The following SLC35F4 variants were observed in gnomAD, a reference collection of about 807,000 sequenced individuals.
SLC35F4 encodes the protein chromosome 14 open reading frame 36.
A neutral mutation model predicts 44.2 loss-of-function variants in SLC35F4; 24 were observed. The ratio of observed to expected loss-of-function variants is 0.54; its 90% CI spans 0.39 to 0.76. The LOEUF (loss-of-function observed/expected upper bound fraction) is 0.76, where lower values mean the gene tolerates loss of function less well. SLC35F4 is among the 30% of genes least tolerant of loss of function. The probability of loss-of-function intolerance (pLI) is 0.00; values close to 1 mark genes in which losing one functional copy is unlikely to be tolerated. For synonymous variants in SLC35F4, 238 were observed against 223.6 expected, an observed-to-expected ratio of 1.06 and a Z score of -0.57; for missense variants, 562 against 586.1, an observed-to-expected ratio of 0.96 and a Z score of 0.42.
chr14:57,838,817 A>C (rs907750253), intron 1 of SLC35F4, among the ~76,000 whole-genome samples: 1 of 152,224 alleles, frequency 6.6e-6, no homozygotes, highest in African/African-American at 2.4e-5. Context: ...ATATTTGTAA[A>C]GCAAAAGGCA....
At chr14:57,961,325 G>A (rs1282877665) in intron 1 of SLC35F4, among the ~76,000 whole-genome samples, 1 of 152,158 alleles carries the variant, frequency 6.6e-6, no homozygotes, top group African/African-American at 2.4e-5. Flanking sequence ...GAGGAGGAAA[G>A]GGAAAATTTT....
chr14:57,888,449 T>C (rs1772238405), intron 1 of SLC35F4, among the ~76,000 whole-genome samples: 1 of 152,198 alleles, frequency 6.6e-6, no homozygotes, highest in South Asian at 2.1e-4. Flanking sequence ...CTGAGAGTCA[T>C]GGGTTCCTTT....
At chr14:57,777,669 T>C (rs1002669872) in intron 1 of SLC35F4, among the ~76,000 whole-genome samples, 1 of 151,830 alleles carries the variant, frequency 6.6e-6, no homozygotes, top group Non-Finnish European at 1.5e-5. Flanking sequence ...TTAGGAGAAA[T>C]ACCTAATGTA....
chr14:57,960,678 C>A (rs1179419715), intron 1 of SLC35F4, among the ~76,000 whole-genome samples: 1 of 152,116 alleles, frequency 6.6e-6, no homozygotes, highest in Non-Finnish European at 1.5e-5. Context: ...TGATGTTGAT[C>A]CCTAGAGGTA....
Position 57,784,336 on chromosome 14 carries a change from G to T in SLC35F4, c.103+81387C>A, listed in dbSNP as rs527656863. Among the ~76,000 whole-genome samples, 192 of 152,288 alleles carry T rather than the reference G, an allele frequency of 1.3e-3. 1 individual carries two copies. The highest frequency in any genetic ancestry group is 4.3e-3 in the African/African-American group (180 of 41,556). ...CTTTTACAACATAGACCTTTTGTGT[G>T]GTACAGGCACTGAAACTAAATTAGA... On this transcript the variant is annotated intron_variant, in intron 1 of 7. Coordinates refer to ENST00000556826, the MANE Select transcript of SLC35F4 (RefSeq NM_001306087.2).
At chr14:57,586,443 C>A (rs1047280564) in intron 3 of SLC35F4, among the ~76,000 whole-genome samples, 1 of 151,920 alleles carries the variant, frequency 6.6e-6, no homozygotes, top group African/African-American at 2.4e-5. Context: ...CTAGGCCAGG[C>A]GTGGTGGCTT....
intron 1 of SLC35F4, among the ~76,000 whole-genome samples, chr14:57,770,280 G>A (rs1162394759): frequency 6.6e-6 from 1 of 152,180 alleles, no homozygotes; most frequent in East Asian, 1.9e-4. Flanking sequence ...CCAGGTTGAG[G>A]GTTACTAAAT....
chr14:57,798,557 A>G (rs935696233), intron 1 of SLC35F4, among the ~76,000 whole-genome samples: 2 of 152,224 alleles, frequency 1.3e-5, no homozygotes, highest in Admixed American at 1.3e-4. Context: ...CCATCCTGTC[A>G]TATTATCTGA....
Position 57,817,193 on chromosome 14 carries a change from G to A in SLC35F4, c.103+48530C>T, listed in dbSNP as rs76899006. On this transcript the variant is annotated intron_variant, in intron 1 of 7. Coordinates refer to ENST00000556826, the MANE Select transcript of SLC35F4 (RefSeq NM_001306087.2). Reference sequence around the variant, plus strand: ...GGAATGCGAATTATAAGGATTGTGGGGTTGGCTGGCCTTAGTAAACTGCAA... The same window carrying A: ...GGAATGCGAATTATAAGGATTGTGGAGTTGGCTGGCCTTAGTAAACTGCAA... Among the ~76,000 whole-genome samples the A allele has an allele frequency of 7.2e-4, 109 of 152,246 alleles. 1 individual carries two copies. The East Asian group carries it at 0.018, about 25-fold the overall frequency.
intron 1 of SLC35F4, among the ~76,000 whole-genome samples, chr14:57,954,806 GC>G (rs1890206248): frequency 6.6e-6 from 1 of 151,498 alleles, no homozygotes; most frequent in Admixed American, 6.6e-5. Context: ...CAAAAAAAAA[GC>G]CCAGGACCAG....
intron 1 of SLC35F4, among the ~76,000 whole-genome samples, chr14:57,723,623 A>G (rs948725699): frequency 6.6e-6 from 1 of 152,248 alleles, no homozygotes; most frequent in Non-Finnish European, 1.5e-5. Context: ...AGCCATTGAC[A>G]TGGCAAATGC....
chr14:57,780,061 A>T (rs986318836), intron 1 of SLC35F4, among the ~76,000 whole-genome samples: 1 of 152,194 alleles, frequency 6.6e-6, no homozygotes, highest in African/African-American at 2.4e-5. Flanking sequence ...CCTATTCAAC[A>T]AAGTATTGGA....
At position 57,652,834 on chromosome 14, in the gene SLC35F4, G is replaced by A. The variant is rs1228945664; in HGVS notation, c.104-58710C>T. The stretch of plus-strand genomic sequence containing the variant: ...CTCTGATGAGGCTCTGGAAGTATAA[G>A]TGTGAGAGGAAGAGGGAGATGATTT... On this transcript the variant is annotated intron_variant, in intron 1 of 7. Transcript: ENST00000556826. 5.3e-5 allele frequency among the ~76,000 whole-genome samples: 8 copies of A among 152,232 alleles called. 1 individual carries two copies. Among genetic ancestry groups the A allele is most frequent in the Non-Finnish European group, 1.2e-4 (8 of 68,040 alleles).
intron 1 of SLC35F4, among the ~76,000 whole-genome samples, chr14:57,609,812 G>A (rs577700760): frequency 6.6e-6 from 1 of 152,270 alleles, no homozygotes; most frequent in Non-Finnish European, 1.5e-5. Flanking sequence ...AACATTCCTT[G>A]AATCCATCTC....
intron 1 of SLC35F4, among the ~76,000 whole-genome samples, chr14:57,804,325 C>T (rs1394452041): frequency 6.6e-6 from 1 of 152,090 alleles, no homozygotes; most frequent in Non-Finnish European, 1.5e-5. Context: ...CAGTCCTAAG[C>T]AAAAAGAACA....
chr14:57,798,970 T>C (rs1296860029), intron 1 of SLC35F4, among the ~76,000 whole-genome samples: 1 of 152,204 alleles, frequency 6.6e-6, no homozygotes, highest in Non-Finnish European at 1.5e-5. Context: ...TTTTTACCAC[T>C]TGATAATAGA....
intron 1 of SLC35F4, among the ~76,000 whole-genome samples, chr14:57,741,482 G>A (rs562558636): frequency 4.6e-4 from 70 of 152,278 alleles, no homozygotes; most frequent in African/African-American, 1.7e-3. Context: ...GTGGAAGAAA[G>A]GGTATCAGTG....
intron 1 of SLC35F4, among the ~76,000 whole-genome samples, chr14:57,618,935 C>G (rs966727025): frequency 6.6e-6 from 1 of 152,142 alleles, no homozygotes; most frequent in Non-Finnish European, 1.5e-5. Flanking sequence ...GAAGTTCGAA[C>G]TGGGTGGAGC....
chr14:57,925,064 T>C (rs913489000), intron 1 of SLC35F4, among the ~76,000 whole-genome samples: 5 of 152,078 alleles, frequency 3.3e-5, no homozygotes, highest in African/African-American at 1.2e-4. Context: ...CACGAGGCTC[T>C]TTTTAACAAG....
Sources: gnomAD v4.1 joint callset for allele counts (sites outside exome capture counted in the v4.1 genomes callset) on GRCh38, gnomAD v4.1.1 for gene constraint, MANE v1.5 for transcripts, NCBI Gene and HGNC (gene_info 2026-07-23, HGNC 2026-07-21) for gene names.